The following NELL2 variants were observed in gnomAD, a reference collection of about 807,000 sequenced individuals.
The protein encoded by NELL2 is neural EGFL like 2.
NELL2 carries 41 observed loss-of-function variants against 109.6 expected under a neutral mutation model. The ratio of observed to expected loss-of-function variants is 0.37; its 90% CI spans 0.29 to 0.49. The LOEUF is 0.49. NELL2 is among the 20% of genes least tolerant of loss of function. The pLI, the probability that NELL2 is intolerant of heterozygous loss-of-function variation, is 0.98. For missense variants in NELL2, 900 were observed against 1,008.3 expected (o/e 0.89, Z 1.45); for synonymous variants, 355 against 344.7 (o/e 1.03, Z -0.33).
intron 15 of NELL2, among the ~76,000 whole-genome samples, chr12:44,580,358 G>C (rs1354040043): frequency 6.6e-6 from 1 of 152,166 alleles, no homozygotes; most frequent in Non-Finnish European, 1.5e-5. Context: ...TTGTCTCACA[G>C]ATCTGTGAGC....
chr12:44,758,377 C>T (rs1940982087), intron 9 of NELL2, among the ~76,000 whole-genome samples: 1 of 152,178 alleles, frequency 6.6e-6, no homozygotes, highest in Admixed American at 6.5e-5. Flanking sequence ...CACATAACTC[C>T]TAGTTACTCT....
At chr12:44,587,948 G>A (rs1203736574) in intron 15 of NELL2, among the ~76,000 whole-genome samples, 4 of 152,134 alleles carry the variant, frequency 2.6e-5, no homozygotes, top group Non-Finnish European at 5.9e-5. Context: ...TCAGGAGATA[G>A]AGACCATCCT....
intron 2 of NELL2, among the ~76,000 whole-genome samples, chr12:44,820,347 G>T (rs1943498456): frequency 6.6e-6 from 1 of 152,162 alleles, no homozygotes; most frequent in Admixed American, 6.5e-5. Flanking sequence ...AGTGGCTCAC[G>T]CCTGTAATCC....
intron 2 of NELL2, among the ~76,000 whole-genome samples, chr12:44,830,099 T>G (rs1183531332): frequency 2.0e-5 from 3 of 152,206 alleles, no homozygotes; most frequent in African/African-American, 7.2e-5. Context: ...TTCTATTATA[T>G]ATCCTTAACA....
In NELL2 at chr12:44,508,491, T is replaced by G. The variant is rs1565840922; in HGVS notation, c.*443A>C. The G allele has an allele frequency of 6.3e-6, 1 of 158,104 alleles. No individual in the cohort carries two copies. The highest frequency in any genetic ancestry group is 1.4e-5 in the Non-Finnish European group (1 of 71,736). The allele number at this position is 158,104 out of a possible 1,614,324, so 9.8% of individuals were successfully genotyped here. A position where few individuals can be genotyped will look rare whatever the true frequency, so the allele number is the denominator to read the frequency against. ...AGAGTGTACTGTACATAACATGTTA[T>G]AGCTTCTTTGCTTTACTTCTGAAAA... On this transcript the variant is annotated 3_prime_UTR_variant, in exon 20 of 20. Coordinates refer to ENST00000429094, the MANE Select transcript of NELL2 (RefSeq NM_001145108.2).
At chr12:44,828,902 T>C (rs1566486569) in intron 2 of NELL2, among the ~76,000 whole-genome samples, 1 of 152,184 alleles carries the variant, frequency 6.6e-6, no homozygotes, top group Non-Finnish European at 1.5e-5. Flanking sequence ...CCAGAGACAG[T>C]AGTAATGATC....
intron 12 of NELL2, among the ~76,000 whole-genome samples, chr12:44,685,953 A>T (rs561361536): frequency 6.6e-6 from 1 of 152,056 alleles, no homozygotes; most frequent in African/African-American, 2.4e-5. Context: ...CTGAATCTGA[A>T]TGTTGGCCTG....
chr12:44,523,982 C>G (rs757135186), intron 16 of NELL2, among the ~76,000 whole-genome samples: 72 of 152,144 alleles, frequency 4.7e-4, no homozygotes, highest in Non-Finnish European at 8.2e-4. Flanking sequence ...CACCTGCCCC[C>G]CTCCATGAAG....
chr12:44,892,068 A>G lies in NELL2; in HGVS notation c.39-16168T>C, dbSNP rs1231770905. 2.6e-5 allele frequency among the ~76,000 whole-genome samples: 4 copies of G among 152,198 alleles called. No homozygotes were observed. In the East Asian group the frequency reaches 7.7e-4, roughly 29 times the overall value. ...GTGATTGTTTCACACTGGGCAAGACATCTGGTGAAGTTGAGAGGCTGTCAC... is the reference window on the plus strand; with the variant it reads ...GTGATTGTTTCACACTGGGCAAGACGTCTGGTGAAGTTGAGAGGCTGTCAC... On this transcript the variant is annotated intron_variant, in intron 1 of 20. Transcript: ENST00000333837.
chr12:44,626,148 T>G (rs1047625912), intron 13 of NELL2, among the ~76,000 whole-genome samples: 2 of 152,190 alleles, frequency 1.3e-5, no homozygotes, highest in African/African-American at 4.8e-5. Context: ...TGTAGCCTTC[T>G]TATTTCATAC....
intron 18 of NELL2, among the ~76,000 whole-genome samples, chr12:44,521,322 A>T (rs1170274550): frequency 6.6e-6 from 1 of 152,082 alleles, no homozygotes; most frequent in Non-Finnish European, 1.5e-5. Flanking sequence ...CGAGGTCAGG[A>T]GATCGAGACC....
rs534510123 is a variant in NELL2, at chr12:44,908,724, A to G, written c.38+5075T>C. ...CAGGTAGTCTAAAGTAAATGAGTTG[A>G]TGAAACTTTGTGCTGTTACAGACAC... On this transcript the variant is annotated intron_variant, in intron 1 of 20. Coordinates refer to the NELL2 transcript ENST00000333837. 2.0e-5 allele frequency among the ~76,000 whole-genome samples: 3 copies of G among 152,188 alleles called. No individual in the cohort carries two copies. The East Asian group carries it at 5.8e-4, about 29-fold the overall frequency.
At chr12:44,774,617 A>T (rs768303358) in intron 9 of NELL2, 130 bp downstream of exon 9, 1 of 732,104 alleles carries the variant, frequency 1.4e-6, no homozygotes, top group Admixed American at 2.5e-5. Flanking sequence ...CAGAGAAAGT[A>T]TTCTTCCTTT....
chr12:44,551,093 G>C lies in NELL2; in HGVS notation c.1664-18372C>G, dbSNP rs145464584. On this transcript the variant is annotated intron_variant, in intron 15 of 19. Coordinates refer to ENST00000429094, the MANE Select transcript of NELL2 (RefSeq NM_001145108.2). ...GTTGGGAGGTGATGAATATGTTGAT[G>C]GTACTGACAGTTTCACAAGTATATA... 1.4e-4 allele frequency among the ~76,000 whole-genome samples: 22 copies of C among 152,140 alleles called. No homozygotes were observed. The East Asian group carries it at 3.9e-3, about 27-fold the overall frequency.
At chr12:44,633,733 A>C (rs1284237113) in intron 13 of NELL2, among the ~76,000 whole-genome samples, 1 of 152,136 alleles carries the variant, frequency 6.6e-6, no homozygotes, top group East Asian at 1.9e-4. Flanking sequence ...ACCCACCCCT[A>C]ATATGATAAC....
At chr12:44,716,475 T>C (rs760736994) in intron 9 of NELL2, among the ~76,000 whole-genome samples, 1 of 152,168 alleles carries the variant, frequency 6.6e-6, no homozygotes, top group African/African-American at 2.4e-5. Context: ...ATACTATCTA[T>C]CATATTATGA....
At chr12:44,556,360 C>T (rs1943255549) in intron 15 of NELL2, among the ~76,000 whole-genome samples, 1 of 152,138 alleles carries the variant, frequency 6.6e-6, no homozygotes, top group African/African-American at 2.4e-5. Context: ...CAGAGCTTGT[C>T]CTTGGGGTTG....
intron 9 of NELL2, among the ~76,000 whole-genome samples, chr12:44,741,853 A>G (rs1285578097): frequency 6.6e-6 from 1 of 152,236 alleles, no homozygotes; most frequent in Non-Finnish European, 1.5e-5. Flanking sequence ...CAAGGAGGCC[A>G]GTCTGCCTCT....
intron 15 of NELL2, among the ~76,000 whole-genome samples, chr12:44,577,475 T>TGTTTG (rs1565955514): frequency 4.7e-5 from 6 of 128,972 alleles, no homozygotes; most frequent in African/African-American, 2.0e-4. Context: ...GTTTTTTTTT[T>TGTTTG]TTTTTTTTTT....
Sources: allele counts gnomAD v4.1 joint callset (sites outside exome capture counted in the v4.1 genomes callset), GRCh38; gene constraint gnomAD v4.1.1; transcripts MANE v1.5; gene names NCBI Gene and HGNC (gene_info 2026-07-23, HGNC 2026-07-21).